PDZRN3: variants seen among roughly 807,000 people sequenced by gnomAD.
PDZRN3 encodes E3 ubiquitin-protein ligase PDZRN3.
PDZRN3 carries 38 observed loss-of-function variants against 85.7 expected under a neutral mutation model. That is an observed-to-expected ratio of 0.44 (90% CI 0.34 to 0.58). The LOEUF (loss-of-function observed/expected upper bound fraction) is 0.58. Among genes scored for constraint, PDZRN3 ranks in the 20% least tolerant of loss-of-function variants. The probability of loss-of-function intolerance (pLI) is 0.01; values close to 1 mark genes in which losing one functional copy is unlikely to be tolerated. For missense variants in PDZRN3, 1,629 were observed against 1,506.4 expected, an observed-to-expected ratio of 1.08 and a Z score of -1.35; for synonymous variants, 759 against 638.0, an observed-to-expected ratio of 1.19 and a Z score of -2.86.
At chr3:73,453,411 A>AC (rs1702909583) in intron 3 of PDZRN3, among the ~76,000 whole-genome samples, 1 of 134,450 alleles carries the variant, frequency 7.4e-6, no homozygotes, top group Non-Finnish European at 1.6e-5. Flanking sequence ...TCTCAAAAAA[A>AC]AAAAAAAAAA....
intron 3 of PDZRN3, among the ~76,000 whole-genome samples, chr3:73,556,393 ACTG>A (rs1196239011): frequency 6.6e-6 from 1 of 152,124 alleles, no homozygotes; most frequent in African/African-American, 2.4e-5. Flanking sequence ...TGGAAAACAC[ACTG>A]CTATCTCACC....
intron 3 of PDZRN3, among the ~76,000 whole-genome samples, chr3:73,552,655 G>A (rs964726366): frequency 1.3e-5 from 2 of 152,146 alleles, no homozygotes; most frequent in African/African-American, 4.8e-5. Context: ...ACAAGGCATC[G>A]CTATTTATGT....
At chr3:73,393,928 T>C (rs1049275508) in intron 5 of PDZRN3, among the ~76,000 whole-genome samples, 12 of 152,206 alleles carry the variant, frequency 7.9e-5, no homozygotes, top group Non-Finnish European at 1.8e-4. Context: ...AGTATTTTGA[T>C]TGACAGAGAT....
At chr3:73,515,280 A>G (rs538779881) in intron 3 of PDZRN3, among the ~76,000 whole-genome samples, 2 of 144,486 alleles carry the variant, frequency 1.4e-5, no homozygotes, top group South Asian at 4.3e-4. Flanking sequence ...GGTTTACACC[A>G]TTCTCCTGCC....
At chr3:73,399,422 G>C (rs971801682) in intron 5 of PDZRN3, among the ~76,000 whole-genome samples, 2 of 152,072 alleles carry the variant, frequency 1.3e-5, no homozygotes, top group African/African-American at 4.8e-5. Context: ...CTCCCCCAGG[G>C]GATTCTAGGT....
intron 3 of PDZRN3, among the ~76,000 whole-genome samples, chr3:73,592,083 T>C (rs1702364406): frequency 6.6e-6 from 1 of 152,172 alleles, no homozygotes; most frequent in South Asian, 2.1e-4. Context: ...ACAACAATTA[T>C]ACAGATCATG....
intron 4 of PDZRN3, among the ~76,000 whole-genome samples, chr3:73,402,071 A>G (rs17011092): frequency 0.017 from 2,632 of 152,274 alleles, 72 homozygotes; most frequent in African/African-American, 0.06. Flanking sequence ...CATCAACTTA[A>G]CATTCCCCAT....
At chr3:73,412,648 T>C (rs1465181512) in intron 3 of PDZRN3, among the ~76,000 whole-genome samples, 18 of 152,220 alleles carry the variant, frequency 1.2e-4, no homozygotes, top group Non-Finnish European at 7.3e-5. Context: ...CTGTGCTATC[T>C]TGAGCAGGTT....
chr3:73,519,403 C>A (rs757205383), intron 3 of PDZRN3, among the ~76,000 whole-genome samples: 3 of 152,064 alleles, frequency 2.0e-5, no homozygotes, highest in Non-Finnish European at 4.4e-5. Context: ...AGTCTAAAAG[C>A]GATATATACC....
At chr3:73,590,808 C>T (rs1702347464) in intron 3 of PDZRN3, among the ~76,000 whole-genome samples, 4 of 152,166 alleles carry the variant, frequency 2.6e-5, no homozygotes, top group Admixed American at 6.5e-5. Context: ...TCAGATATTT[C>T]AAAGAATGAC....
chr3:73,416,601 A>C lies in PDZRN3; in HGVS notation c.919-12206T>G, dbSNP rs183947998. Among the ~76,000 whole-genome samples, 217 of 152,204 alleles carry C rather than the reference A, an allele frequency of 1.4e-3. 1 individual carries two copies. Among genetic ancestry groups the C allele is most frequent in the Non-Finnish European group, 1.9e-3 (126 of 68,012 alleles). The stretch of plus-strand genomic sequence containing the variant: ...AAACTTTGCTTCCTAAGACTCTGGA[A>C]TCATTTATCTCCCCCCACAGGAAGG... On this transcript the variant is annotated intron_variant, in intron 3 of 9. Transcript: ENST00000263666.
At chr3:73,523,078 A>G (rs1704411627) in intron 3 of PDZRN3, among the ~76,000 whole-genome samples, 1 of 152,206 alleles carries the variant, frequency 6.6e-6, no homozygotes, top group Non-Finnish European at 1.5e-5. Context: ...GCTGGAGTGC[A>G]GTGGCACAGT....
intron 3 of PDZRN3, among the ~76,000 whole-genome samples, chr3:73,547,486 T>C (rs967520066): frequency 6.6e-6 from 1 of 152,224 alleles, no homozygotes; most frequent in Non-Finnish European, 1.5e-5. Context: ...GGAGATACAG[T>C]GCAGTGGCCT....
In PDZRN3 at chr3:73,524,519, C is replaced by A. The variant is rs187214599; in HGVS notation, c.918+77835G>T. ...GGCCACTTATCACAGGCTGCCTGTA[C>A]TGCAAGTGGCACGGTCAGGTGTGCC... On this transcript the variant is annotated intron_variant, in intron 3 of 9. Coordinates refer to ENST00000263666, the MANE Select transcript of PDZRN3 (RefSeq NM_015009.3). Among the ~76,000 whole-genome samples, 120 of 152,304 alleles carry A rather than the reference C, an allele frequency of 7.9e-4. 1 individual carries two copies. The highest frequency in any genetic ancestry group is 3.0e-3 in the Admixed American group (46 of 15,310).
At chr3:73,454,866 G>T (rs1008967668) in intron 3 of PDZRN3, among the ~76,000 whole-genome samples, 1 of 151,726 alleles carries the variant, frequency 6.6e-6, no homozygotes. Flanking sequence ...TATGTATTAG[G>T]ATTTTACCCA....
intron 3 of PDZRN3, among the ~76,000 whole-genome samples, chr3:73,593,440 T>C (rs1358800095): frequency 6.6e-6 from 1 of 152,100 alleles, no homozygotes; most frequent in Non-Finnish European, 1.5e-5. Flanking sequence ...ATAATGTCAA[T>C]ACAAAGTAAA....
rs547947845 is a variant in PDZRN3, at chr3:73,587,171, A to G, written c.918+15183T>C. ...GGCCACTGCCCTTTAGTGAGCCATGAAATCAATGTAGTGAGTGGCAAATGG... is the reference window on the plus strand; with the variant it reads ...GGCCACTGCCCTTTAGTGAGCCATGGAATCAATGTAGTGAGTGGCAAATGG... On this transcript the variant is annotated intron_variant, in intron 3 of 9. Coordinates refer to ENST00000263666, the MANE Select transcript of PDZRN3 (RefSeq NM_015009.3). Among the ~76,000 whole-genome samples, 12 of 152,362 alleles carry G rather than the reference A, an allele frequency of 7.9e-5. No homozygotes were observed. In the East Asian group the frequency reaches 1.9e-3, roughly 24 times the overall value.
intron 3 of PDZRN3, among the ~76,000 whole-genome samples, chr3:73,544,745 A>C (rs937646164): frequency 6.6e-6 from 1 of 152,150 alleles, no homozygotes; most frequent in Non-Finnish European, 1.5e-5. Flanking sequence ...TGGCATTTAA[A>C]AATGCTATAA....
At chr3:73,506,153 T>C (rs1284647887) in intron 3 of PDZRN3, among the ~76,000 whole-genome samples, 1 of 152,182 alleles carries the variant, frequency 6.6e-6, no homozygotes, top group Non-Finnish European at 1.5e-5. Flanking sequence ...CAAGTCTGAA[T>C]ATCAACATAA....
Sources: allele counts gnomAD v4.1 joint callset (sites outside exome capture counted in the v4.1 genomes callset), GRCh38; gene constraint gnomAD v4.1.1; transcripts MANE v1.5; gene names NCBI Gene and HGNC (gene_info 2026-07-23, HGNC 2026-07-21).